Variants in TRIM33 observed in about 807,000 individuals in gnomAD.
The protein encoded by TRIM33 is tripartite motif containing 33.
Under a neutral mutation model 125.4 loss-of-function variants are expected in TRIM33, and 20 were observed. The observed-to-expected ratio is 0.16, with a 90% CI of 0.11 to 0.23. The LOEUF (loss-of-function observed/expected upper bound fraction) is 0.23, where lower values mean the gene tolerates loss of function less well. Among genes scored for constraint, TRIM33 ranks in the 10% least tolerant of loss-of-function variants. The pLI is 1.00. For missense variants in TRIM33, 920 were observed against 1,411.4 expected (o/e 0.65, Z 5.58); for synonymous variants, 564 against 513.9 (o/e 1.10, Z -1.32).
intron 19 of TRIM33, 30 bp from the exon 20 acceptor site, chr1:114,397,890 A>G: frequency 1.9e-6 from 3 of 1,613,338 alleles, no homozygotes; most frequent in South Asian, 1.1e-5. Flanking sequence ...ATATTCACCT[A>G]TTGGTAATGC....
At chr1:114,500,245 A>C (rs1652631966) in intron 1 of TRIM33, among the ~76,000 whole-genome samples, 1 of 152,226 alleles carries the variant, frequency 6.6e-6, no homozygotes, top group South Asian at 2.1e-4. Flanking sequence ...AGACACAATA[A>C]AGACATTTTC....
At position 114,407,560 on chromosome 1, in the gene TRIM33, G is replaced by A. The variant is rs568250315; in HGVS notation, c.2259-460C>T. On this transcript the variant is annotated intron_variant, in intron 13 of 19. Transcript: ENST00000358465. ...AGCATGAAATGTACAAAATGAACCC[G>A]AAATGCTGTTTCACAGGAAACATGG... 5.3e-4 allele frequency among the ~76,000 whole-genome samples: 81 copies of A among 152,198 alleles called. 1 individual carries two copies. Among genetic ancestry groups the A allele is most frequent in the African/African-American group, 1.8e-3 (75 of 41,546 alleles).
rs570149465 is a variant in TRIM33 at position 114,429,631 on chromosome 1, A to G, written c.1155+1167T>C. Among the ~76,000 whole-genome samples, 22 of 131,194 alleles carry G rather than the reference A, an allele frequency of 1.7e-4. No homozygotes were observed. In the South Asian group the frequency reaches 4.6e-3, roughly 28 times the overall value. 86.1% of individuals were successfully genotyped at this position (131,194 alleles called of 152,430 possible). A position where few individuals can be genotyped will look rare whatever the true frequency, so the allele number is the denominator to read the frequency against. ...AGGATTCTATGAAGAGATGGGACAG[A>G]AAAAAAAAAAAACTATTGACAATTT... is the stretch of plus-strand genomic sequence containing the variant. On this transcript the variant is annotated intron_variant, in intron 6 of 19. Coordinates refer to ENST00000358465, the MANE Select transcript of TRIM33 (RefSeq NM_015906.4).
rs1295665665 is a variant in TRIM33, at chr1:114,510,567, G to A, written c.510C>T (p.Asn170=). 6.0e-6 allele frequency: 9 copies of A among 1,508,010 alleles called. No individual in the cohort carries two copies. Among genetic ancestry groups the A allele is most frequent in the African/African-American group, 1.4e-5 (1 of 71,870 alleles). 93.4% of individuals were successfully genotyped at this position (1,508,010 alleles called of 1,614,324 possible). ...CCGGCTCACCTTGCTGGATGTCGCC[G>A]TTGCTGCCCCCCGGGATGGGCACGC... ...QLSVPIPGGS[N]GDIQQVGVIR... Residue 170 remains asparagine, a synonymous_variant, in exon 1 of 20, where the codon AAC becomes AAT. Transcript: ENST00000358465.
At chr1:114,494,443 T>A in intron 1 of TRIM33, among the ~76,000 whole-genome samples, 1 of 152,214 alleles carries the variant, frequency 6.6e-6, no homozygotes, top group East Asian at 1.9e-4. Flanking sequence ...CAGCTTCGTA[T>A]ACTTATTTAA....
At chr1:114,469,021 G>C (rs1650479434) in intron 1 of TRIM33, 3 of 232,518 alleles carry the variant, frequency 1.3e-5, no homozygotes. Context: ...ATTTTTGTTG[G>C]CTGAACTGGG....
intron 1 of TRIM33, among the ~76,000 whole-genome samples, chr1:114,482,954 G>A (rs1355752548): frequency 1.3e-5 from 2 of 152,198 alleles, no homozygotes; most frequent in African/African-American, 4.8e-5. Context: ...AGCAGTGTCA[G>A]AATGGACTAA....
chr1:114,505,904 T>C (rs976128221), intron 1 of TRIM33, among the ~76,000 whole-genome samples: 2 of 152,170 alleles, frequency 1.3e-5, no homozygotes, highest in African/African-American at 4.8e-5. Flanking sequence ...AGAATGATTT[T>C]TCCATGGTGA....
chr1:114,511,197 G>T lies in TRIM33; in HGVS notation c.-121C>A. On this transcript the variant is annotated 5_prime_UTR_variant, in exon 1 of 20. Transcript: ENST00000358465. ...GCGGCAGCCGAGAGCTAGCGAGAGA[G>T]CGAACCAACGAGAGCGCGCGCGCAC... The T allele has an allele frequency of 1.0e-6, 1 of 956,638 alleles. No homozygotes were observed. The highest frequency in any genetic ancestry group is 1.3e-6 in the Non-Finnish European group (1 of 791,486). 59.3% of individuals were successfully genotyped at this position (956,638 alleles called of 1,614,324 possible). A position where few individuals can be genotyped will look rare whatever the true frequency, so the allele number is the denominator to read the frequency against.
In TRIM33 at chr1:114,480,491, A is replaced by G. The variant is rs1392378873; in HGVS notation, c.527-16103T>C. 4.6e-3 allele frequency among the ~76,000 whole-genome samples: 622 copies of G among 134,324 alleles called. 8 individuals are homozygous for G. Among genetic ancestry groups the G allele is most frequent in the African/African-American group, 0.017 (586 of 35,430 alleles). 88.1% of individuals were successfully genotyped at this position (134,324 alleles called of 152,430 possible). ...ATGATCAATTTAAAAAAAAAAAAAAAAAAAGAAGTGAAAAGGCCCTGCCCC... is the reference window on the plus strand; with the variant it reads ...ATGATCAATTTAAAAAAAAAAAAAAGAAAAGAAGTGAAAAGGCCCTGCCCC... On this transcript the variant is annotated intron_variant, in intron 1 of 19. Coordinates refer to ENST00000358465, the MANE Select transcript of TRIM33 (RefSeq NM_015906.4).
At chr1:114,432,687 G>A (rs1187748769) in intron 5 of TRIM33, among the ~76,000 whole-genome samples, 1 of 152,168 alleles carries the variant, frequency 6.6e-6, no homozygotes, top group Non-Finnish European at 1.5e-5. Context: ...TCGGGAGGCT[G>A]AGGCAGGAGA....
intron 1 of TRIM33, among the ~76,000 whole-genome samples, chr1:114,472,413 A>G (rs143849516): frequency 0.014 from 2,120 of 152,342 alleles, 20 homozygotes; most frequent in Non-Finnish European, 0.022. Context: ...AGTGTATCTC[A>G]TTTCATAATA....
At chr1:114,489,846 G>C (rs1323788776) in intron 1 of TRIM33, among the ~76,000 whole-genome samples, 2 of 152,078 alleles carry the variant, frequency 1.3e-5, no homozygotes, top group Admixed American at 1.3e-4. Context: ...GTTAAATTTT[G>C]TTACATGTTA....
At chr1:114,430,773 G>GT in intron 6 of TRIM33, 25 bp downstream of exon 6, 1 of 1,285,540 alleles carries the variant, frequency 7.8e-7, no homozygotes, top group Non-Finnish European at 1.1e-6. Context: ...AGCAGTTTTT[G>GT]TTTTATTTTG....
intron 1 of TRIM33, among the ~76,000 whole-genome samples, chr1:114,488,403 C>T (rs978543657): frequency 1.3e-5 from 2 of 152,112 alleles, no homozygotes; most frequent in Non-Finnish European, 2.9e-5. Flanking sequence ...TAAACTTAAA[C>T]CATAATCTAA....
At chr1:114,430,980 GA>G (rs1647915482) in intron 5 of TRIM33, 68 bp from the exon 6 acceptor site, 1 of 907,388 alleles carries the variant, frequency 1.1e-6, no homozygotes. Context: ...AACTGTTACA[GA>G]AATTCATCCA....
chr1:114,456,159 T>C (rs1473001972), intron 4 of TRIM33, among the ~76,000 whole-genome samples: 1 of 152,184 alleles, frequency 6.6e-6, no homozygotes, highest in Non-Finnish European at 1.5e-5. Flanking sequence ...GACAGTATGT[T>C]TGACTGAAAA....
Position 114,396,649 on chromosome 1 carries a change from C to T in TRIM33, c.*999G>A, listed in dbSNP as rs1199679886. 2.5e-5 allele frequency: 5 copies of T among 202,252 alleles called. No homozygotes were observed. Among genetic ancestry groups the T allele is most frequent in the African/African-American group, 1.1e-4 (5 of 43,552 alleles). 12.5% of individuals were successfully genotyped at this position (202,252 alleles called of 1,614,324 possible). A position where few individuals can be genotyped will look rare whatever the true frequency, so the allele number is the denominator to read the frequency against. On this transcript the variant is annotated 3_prime_UTR_variant, in exon 20 of 20. Coordinates refer to ENST00000358465, the MANE Select transcript of TRIM33 (RefSeq NM_015906.4). ...GGCTCAGCAAATGTTGCTGATCTGC[C>T]AAAAGTTTTAGTTCACTATTTACAA... is the stretch of plus-strand genomic sequence containing the variant.
intron 6 of TRIM33, 44 bp from the exon 7 acceptor site, chr1:114,427,938 A>G: frequency 6.2e-7 from 1 of 1,603,110 alleles, no homozygotes; most frequent in Non-Finnish European, 8.5e-7. Context: ...CATATGAAAA[A>G]AAATCAACCC....
Sources: gnomAD v4.1 joint callset for allele counts (sites outside exome capture counted in the v4.1 genomes callset) on GRCh38, gnomAD v4.1.1 for gene constraint, MANE v1.5 for transcripts, NCBI Gene and HGNC (gene_info 2026-07-23, HGNC 2026-07-21) for gene names.